Variants in MTRR observed in about 807,000 individuals in gnomAD.
MTRR encodes the protein 5-methyltetrahydrofolate-homocysteine methyltransferase reductase.
In MTRR, 63 loss-of-function variants were observed where a neutral mutation model predicts 79.2. That is an observed-to-expected ratio of 0.80 (90% CI 0.65 to 0.98). The LOEUF (loss-of-function observed/expected upper bound fraction) is 0.98, where lower values mean the gene tolerates loss of function less well. Ranked by LOEUF, MTRR falls within the 50% of genes least tolerant of loss-of-function variation. MTRR has a pLI of 0.00. For missense variants in MTRR, 895 were observed against 839.6 expected (o/e 1.07, Z -0.82); for synonymous variants, 355 against 313.3 (o/e 1.13, Z -1.41).
rs147277149 is a variant in MTRR at position 7,895,749 on chromosome 5, C to T, written c.1573C>T (p.Arg525Ter). ...AATATTTCAGATATCCATCTCTCCT[C>T]GAACAACAAATTCTTTCCACTTACC... ...ALAPKISISP[R>*]TTNSFHLPDD... is the part of the protein sequence containing the mutation. The change falls in exon 12 of 15, where the codon CGA (arginine) becomes TGA (stop). Residue 525 changes from arginine to a stop codon, truncating the protein, a stop_gained. Transcript: ENST00000440940. LOFTEE classifies it high-confidence loss of function. The T allele has an allele frequency of 8.0e-5, 129 of 1,613,898 alleles. No individual in the cohort carries two copies. The highest frequency in any genetic ancestry group is 1.0e-4 in the Non-Finnish European group (120 of 1,179,918).
At chr5:7,886,965 C>T (rs980023256) in intron 8 of MTRR, among the ~76,000 whole-genome samples, 1 of 152,096 alleles carries the variant, frequency 6.6e-6, no homozygotes, top group Non-Finnish European at 1.5e-5. Context: ...CTAAATAGGG[C>T]TTTTTCTTTG....
intron 6 of MTRR, 38 bp downstream of exon 6, chr5:7,883,315 G>A (rs1735874019): frequency 1.9e-6 from 3 of 1,613,244 alleles, no homozygotes; most frequent in South Asian, 1.1e-5. Flanking sequence ...CAGTAATATT[G>A]TCAGGATGTG....
At chr5:7,869,038 C>G (rs577580609), upstream of MTRR, 7 of 1,448,522 alleles carry the variant, frequency 4.8e-6, no homozygotes, top group South Asian at 3.4e-5. Flanking sequence ...TCGTGGGCCT[C>G]CGTAGCAAAC....
chr5:7,869,986 C>T (rs1747633965), intron 1 of MTRR: 1 of 983,778 alleles, frequency 1.0e-6, no homozygotes, highest in Non-Finnish European at 1.2e-6. Context: ...GTTTGGGTTT[C>T]AGTTTAAATC....
At chr5:7,876,778 T>C (rs1486132724) in intron 4 of MTRR, among the ~76,000 whole-genome samples, 1 of 152,202 alleles carries the variant, frequency 6.6e-6, no homozygotes, top group Non-Finnish European at 1.5e-5. Context: ...CTATTTACTG[T>C]GTAAGCTTCG....
At chr5:7,865,945 G>C, upstream of MTRR, 1 of 1,614,042 alleles carries the variant, frequency 6.2e-7, no homozygotes, top group South Asian at 1.1e-5. Context: ...AGTTGGGTCA[G>C]TTGTGCCCGA....
chr5:7,885,946 G>GT, intron 7 of MTRR, 92 bp downstream of exon 7: 1 of 1,550,008 alleles, frequency 6.5e-7, no homozygotes, highest in Non-Finnish European at 8.9e-7. Context: ...AGGGTCCTGT[G>GT]TGTTGGCCGC....
upstream of MTRR, chr5:7,865,997 C>T (rs766414319): frequency 6.2e-7 from 1 of 1,602,376 alleles, no homozygotes; most frequent in South Asian, 1.1e-5. Flanking sequence ...AAACAGAAAG[C>T]ATCCCAGTCA....
At chr5:7,870,689 C>G in intron 1 of MTRR, 81 bp from the exon 2 acceptor site, 1 of 1,481,962 alleles carries the variant, frequency 6.7e-7, no homozygotes, top group African/African-American at 1.4e-5. Flanking sequence ...TGCATTGTTT[C>G]TTAAAGATTG....
At chr5:7,862,840 G>C (rs1192587589) in intron 2 of MTRR, 1 of 1,612,966 alleles carries the variant, frequency 6.2e-7, no homozygotes, top group African/African-American at 1.3e-5. Context: ...ATAACAATAG[G>C]GTGTCAACAC....
intron 5 of MTRR, among the ~76,000 whole-genome samples, chr5:7,881,841 G>A (rs1473312723): frequency 6.6e-6 from 1 of 152,050 alleles, no homozygotes; most frequent in African/African-American, 2.4e-5. Context: ...TAGTTCTCAA[G>A]CACCTGATGG....
chr5:7,851,503 C>T (rs1196948056), exon 1 of MTRR: 2 of 154,358 alleles, frequency 1.3e-5, no homozygotes, highest in African/African-American at 4.8e-5. Flanking sequence ...GCGAAGAAGC[C>T]AAATGACTTG....
intron 1 of MTRR, among the ~76,000 whole-genome samples, chr5:7,852,749 T>C (rs2126571396): frequency 6.6e-6 from 1 of 152,308 alleles, no homozygotes; most frequent in South Asian, 2.1e-4. Context: ...TGTTTTTTTT[T>C]TTTAAGCCCT....
chr5:7,874,047 G>A (rs78306682), intron 3 of MTRR, among the ~76,000 whole-genome samples: 6,177 of 152,194 alleles, frequency 0.041, 286 homozygotes, highest in East Asian at 0.22. Context: ...TTATTCCAAG[G>A]TAGGGCCCTG....
rs2303082 is a variant in MTRR at position 7,895,872 on chromosome 5, A to G, written c.1676+20A>G. On this transcript the variant is annotated intron_variant, in intron 12 of 14. Transcript: ENST00000440940. ...ACATAGGTATGTTCTTTTTTTGGCTAATGGGAAAATGTATTCCTGAGTAAC... is the reference window on the plus strand; with the variant it reads ...ACATAGGTATGTTCTTTTTTTGGCTGATGGGAAAATGTATTCCTGAGTAAC... The G allele has an allele frequency of 0.033, 53,714 of 1,613,746 alleles. 1,257 individuals carry two copies. Among genetic ancestry groups the G allele is most frequent in the East Asian group, 0.11 (4,851 of 44,854 alleles).
intron 1 of MTRR, chr5:7,870,214 G>C: frequency 6.3e-6 from 2 of 315,036 alleles, no homozygotes; most frequent in Non-Finnish European, 9.4e-6. Context: ...ATGAAGGAGA[G>C]TATGTGCTTC....
At chr5:7,880,626 AT>A (rs1735429380) in intron 5 of MTRR, among the ~76,000 whole-genome samples, 1 of 152,110 alleles carries the variant, frequency 6.6e-6, no homozygotes, top group Admixed American at 6.5e-5. Context: ...TCAGGATGCT[AT>A]TTTGTTTCTC....
intron 2 of MTRR, among the ~76,000 whole-genome samples, chr5:7,872,823 A>G (rs1179423216): frequency 6.6e-6 from 1 of 151,322 alleles, no homozygotes; most frequent in Non-Finnish European, 1.5e-5. Flanking sequence ...CCATTTTAAC[A>G]CCTCTTTCCT....
In MTRR at chr5:7,892,816, G is replaced by A. The variant is rs1195759319; in HGVS notation, c.1460G>A (p.Gly487Glu). 2 of 1,614,178 alleles carry A rather than the reference G, an allele frequency of 1.2e-6. No individual in the cohort carries two copies. Among genetic ancestry groups the A allele is most frequent in the Non-Finnish European group, 1.7e-6 (2 of 1,180,028 alleles). Residue 487 changes from glycine (G) to glutamate (E), a missense_variant, in exon 11 of 15, where the codon GGA (glycine) becomes GAA (glutamate). Coordinates refer to ENST00000440940, the MANE Select transcript of MTRR (RefSeq NM_002454.3). ...GCCACAACAGAGGTTCTGCGGAAGG[G>A]AGTATGTACAGGCTGGCTGGCCTTG... ...STATTEVLRKGVCTGWLALLV... is the reference protein window; with the variant it reads ...STATTEVLRKEVCTGWLALLV...
Sources: allele counts gnomAD v4.1 joint callset (sites outside exome capture counted in the v4.1 genomes callset), GRCh38; gene constraint gnomAD v4.1.1; transcripts MANE v1.5; gene names NCBI Gene and HGNC (gene_info 2026-07-23, HGNC 2026-07-21).